The following ANK1 variants were observed in gnomAD, a reference collection of about 807,000 sequenced individuals.
ANK1 encodes the protein ankyrin-1.
A neutral mutation model predicts 210.4 loss-of-function variants in ANK1; 51 were observed. That is an observed-to-expected ratio of 0.24 (90% CI 0.19 to 0.31). The LOEUF (loss-of-function observed/expected upper bound fraction) is 0.31, where lower values mean the gene tolerates loss of function less well. Ranked by LOEUF, ANK1 falls within the 10% of genes least tolerant of loss-of-function variation. The pLI is 1.00. For missense variants in ANK1, 2,051 were observed against 2,504.4 expected (o/e 0.82, Z 3.86); for synonymous variants, 967 against 1,025.9 (o/e 0.94, Z 1.10).
At position 41,686,180 on chromosome 8, in the gene ANK1, C is replaced by G. The variant is rs1459662449; in HGVS notation, c.4362G>C (p.Trp1454Cys). 6.2e-7 allele frequency: 1 copy of G among 1,614,022 alleles called. No homozygotes were observed. The highest frequency in any genetic ancestry group is 1.3e-5 in the African/African-American group (1 of 74,880). ...LEQSVALLNL[W>C]VIREGQNANM... ...TTGCGTTTTGGCCTTCACGGATGACCCAGAGGTTCAGCAAGGCCACACTCT... is the reference window on the plus strand; with the variant it reads ...TTGCGTTTTGGCCTTCACGGATGACGCAGAGGTTCAGCAAGGCCACACTCT... The change falls in exon 36 of 43, where the codon TGG becomes TGC. Residue 1454 changes from tryptophan (W) to cysteine (C), a missense_variant. Physicochemically the swap from Trp to Cys is radical, Grantham distance 215 (BLOSUM62 -2). Transcript: ENST00000289734.
At chr8:41,795,109 C>T (rs917158281) in intron 1 of ANK1, among the ~76,000 whole-genome samples, 1 of 152,240 alleles carries the variant, frequency 6.6e-6, no homozygotes, top group Non-Finnish European at 1.5e-5. Flanking sequence ...ACAACTGAAA[C>T]CCTGCTTTTC....
chr8:41,672,815 G>C lies in ANK1; in HGVS notation c.4635C>G (p.Ala1545=), dbSNP rs142386792. ...LRADQYWNEV[A]VLDAIPLAAT... is the part of the protein sequence containing the mutation. ...CCGCCAAGGGGATGGCGTCTAGGAC[G>C]GCCACCTCATTCCAGTACTGGTCTG... Residue 1545 remains alanine, a synonymous_variant, in exon 38 of 43, where the codon GCC becomes GCG. Transcript: ENST00000289734. The C allele has an allele frequency of 6.2e-7, 1 of 1,608,906 alleles. No individual in the cohort carries two copies. Among genetic ancestry groups the C allele is most frequent in the Non-Finnish European group, 8.5e-7 (1 of 1,176,742 alleles).
chr8:41,803,064 G>GAGA (rs1850299956), intron 1 of ANK1, among the ~76,000 whole-genome samples: 4 of 65,288 alleles, frequency 6.1e-5, no homozygotes, highest in East Asian at 5.1e-4. Context: ...AGAGAGAAAG[G>GAGA]AAGGAAGGAA....
At chr8:41,762,251 C>A (rs1840656813) in intron 1 of ANK1, among the ~76,000 whole-genome samples, 1 of 152,366 alleles carries the variant, frequency 6.6e-6, no homozygotes, top group South Asian at 2.1e-4. Context: ...TGGTTTGCTA[C>A]TTCCAATCTT....
At chr8:41,749,769 C>T (rs575968756) in intron 2 of ANK1, among the ~76,000 whole-genome samples, 21 of 151,974 alleles carry the variant, frequency 1.4e-4, no homozygotes, top group African/African-American at 3.1e-4. Flanking sequence ...TGCGCCACAA[C>T]GCTTGGCTAA....
chr8:41,704,125 G>C lies in ANK1; in HGVS notation c.2211C>G (p.Pro737=), dbSNP rs34194642. The C allele has an allele frequency of 2.9e-3, 4,714 of 1,614,076 alleles. 87 individuals carry two copies. In the African/African-American group the frequency reaches 0.038, roughly 13 times the overall value. The change falls in exon 20 of 43, where the codon CCC becomes CCG. Residue 737 remains proline (P), a synonymous_variant. Transcript: ENST00000289734. The surrounding 1 kb of genome is among the most constrained non-coding windows in gnomAD (Gnocchi z 4.1). ...VNAKTKLGYS[P]LHQAAQQGHT... ...GTCCCTGCTGGGCTGCCTGGTGCAG[G>C]GGGCTGTATCCTAGCTGCAAAGTGA...
In ANK1 at chr8:41,654,043, TG is replaced by T. The variant is rs935099034; in HGVS notation, c.*1746del. ...ACGTGGAGGGGGCTTCTGTGCTACT[TG>T]GAAGGTTTAAGTGTGTCCCGAGGAC... On this transcript the variant is annotated 3_prime_UTR_variant, in exon 43 of 43. Coordinates refer to ENST00000289734, the MANE Select transcript of ANK1 (RefSeq NM_000037.4). 1 of 152,124 alleles carries T rather than the reference TG, an allele frequency of 6.6e-6. No individual in the cohort carries two copies. 9.4% of individuals were successfully genotyped at this position (152,124 alleles called of 1,614,324 possible).
At chr8:41,679,009 C>T (rs1455383015) in intron 37 of ANK1, among the ~76,000 whole-genome samples, 2 of 152,206 alleles carry the variant, frequency 1.3e-5, no homozygotes, top group African/African-American at 4.8e-5. Context: ...TGGTCTCAAA[C>T]TCCTGACCTC....
chr8:41,806,684 A>G (rs1851015554), intron 1 of ANK1, among the ~76,000 whole-genome samples: 1 of 152,214 alleles, frequency 6.6e-6, no homozygotes, highest in South Asian at 2.1e-4. Context: ...GTTCAAGGCT[A>G]CAGTGAGCTA....
intron 1 of ANK1, among the ~76,000 whole-genome samples, chr8:41,882,601 C>A (rs1817771651): frequency 6.6e-6 from 1 of 152,172 alleles, no homozygotes; most frequent in Non-Finnish European, 1.5e-5. Context: ...AATCCCGAGT[C>A]CTTGGAAACT....
intron 37 of ANK1, among the ~76,000 whole-genome samples, chr8:41,681,334 C>T (rs1039250219): frequency 4.6e-5 from 7 of 152,202 alleles, no homozygotes; most frequent in African/African-American, 1.7e-4. Context: ...CAGAAACATG[C>T]TATTTTATTT....
intron 39 of ANK1, chr8:41,665,479 C>A: frequency 2.8e-6 from 1 of 352,274 alleles, no homozygotes; most frequent in South Asian, 2.1e-5. Flanking sequence ...TCTCACCTAT[C>A]CTGCCCATCC....
At chr8:41,773,553 TCGACTCCTAA>T (rs1234870272) in intron 1 of ANK1, among the ~76,000 whole-genome samples, 1 of 152,202 alleles carries the variant, frequency 6.6e-6, no homozygotes, top group East Asian at 1.9e-4. Context: ...TTGGTGGAAT[TCGACTCCTAA>T]CGAGCTCGTG....
rs948329247 is a variant in ANK1, at chr8:41,688,301, T to C, written c.4184-71A>G. 3 of 1,537,030 alleles carry C rather than the reference T, an allele frequency of 2.0e-6. No individual in the cohort carries two copies. In the African/African-American group the frequency reaches 4.1e-5, roughly 21 times the overall value. Reference sequence around the variant, plus strand: ...AGTTGACAGGCCTGAGGACACGGCCTGTGATGGATGTGGCTTCCGTGTGCA... The same window carrying C: ...AGTTGACAGGCCTGAGGACACGGCCCGTGATGGATGTGGCTTCCGTGTGCA... On this transcript the variant is annotated intron_variant, in intron 34 of 42. Coordinates refer to ENST00000289734, the MANE Select transcript of ANK1 (RefSeq NM_000037.4).
At chr8:41,833,020 C>T (rs760609742) in intron 1 of ANK1, among the ~76,000 whole-genome samples, 19 of 152,184 alleles carry the variant, frequency 1.2e-4, no homozygotes, top group Non-Finnish European at 2.4e-4. Context: ...GGAAGGGGCA[C>T]AAAAGGCAAA....
At chr8:41,791,634 C>T (rs114933204) in intron 1 of ANK1, among the ~76,000 whole-genome samples, 3,728 of 152,208 alleles carry the variant, frequency 0.024, 171 homozygotes, top group African/African-American at 0.086. Flanking sequence ...GGTTTCACCA[C>T]GTTGACCAGG....
rs1419846960 is a variant in ANK1 at position 41,704,193 on chromosome 8, T to A, written c.2197-54A>T. The A allele has an allele frequency of 9.3e-6, 14 of 1,499,380 alleles. No individual in the cohort carries two copies. The highest frequency in any genetic ancestry group is 1.2e-5 in the Non-Finnish European group (13 of 1,077,044). 92.9% of individuals were successfully genotyped at this position (1,499,380 alleles called of 1,614,324 possible). A position where few individuals can be genotyped will look rare whatever the true frequency, so the allele number is the denominator to read the frequency against. ...GTTAGCCAGCCACTAGACAGAGACC[T>A]GCCTACACATGATAGTGCCTGCCCA... On this transcript the variant is annotated intron_variant, in intron 19 of 42. Coordinates refer to ENST00000289734, the MANE Select transcript of ANK1 (RefSeq NM_000037.4). This position sits in a 1 kb window ranked among gnomAD's most constrained non-coding sequence, Gnocchi z 4.1.
chr8:41,794,187 A>C (rs572802346), intron 1 of ANK1, among the ~76,000 whole-genome samples: 2 of 152,318 alleles, frequency 1.3e-5, no homozygotes, highest in African/African-American at 4.8e-5. Context: ...CGCTCAAGGC[A>C]GAAGTAAAAT....
At chr8:41,817,900 G>C (rs368599523) in intron 1 of ANK1, among the ~76,000 whole-genome samples, 1 of 152,186 alleles carries the variant, frequency 6.6e-6, no homozygotes, top group East Asian at 1.9e-4. Context: ...AGACAGCCAC[G>C]GAGAGAAACC....
Sources: allele counts gnomAD v4.1 joint callset (sites outside exome capture counted in the v4.1 genomes callset), GRCh38; gene constraint gnomAD v4.1.1; non-coding constraint Gnocchi (gnomAD v3.1); transcripts MANE v1.5; gene names NCBI Gene and HGNC (gene_info 2026-07-23, HGNC 2026-07-21).